The following ZNF45 variants were observed in gnomAD, a reference collection of about 807,000 sequenced individuals.
ZNF45 encodes the protein BRC1744.
A neutral mutation model predicts 12.0 loss-of-function variants in ZNF45; 4 were observed. The ratio of observed to expected loss-of-function variants is 0.33; its 90% confidence interval spans 0.16 to 0.76. The LOEUF is 0.76. Ranked by LOEUF, ZNF45 falls within the 30% of genes least tolerant of loss-of-function variation. The pLI, the probability that ZNF45 is intolerant of heterozygous loss-of-function variation, is 0.60. For synonymous variants in ZNF45, 272 were observed against 279.6 expected, an observed-to-expected ratio of 0.97 and a Z score of 0.27; for missense variants, 700 against 813.0, an observed-to-expected ratio of 0.86 and a Z score of 1.69.
intron 7 of ZNF45, among the ~76,000 whole-genome samples, chr19:43,921,118 T>C (rs1451031655): frequency 6.6e-6 from 1 of 152,294 alleles, no homozygotes; most frequent in East Asian, 1.9e-4. Context: ...TGGAGAATTC[T>C]TTTTCTTTGC....
In ZNF45 at chr19:43,914,049, G is replaced by C; in HGVS notation, c.1387C>G (p.Gln463Glu). ...FSQASNLLAH[Q>E]RGHTGEKPYK... ...GGTTTCTCTCCAGTGTGGCCTCTTT[G>C]ATGGGCCAGAAGATTTGAGGCCTGG... The change falls in exon 10 of 10, where the codon CAA becomes GAA. Residue 463 changes from glutamine to glutamate, a missense_variant. Coordinates refer to ENST00000269973, the MANE Select transcript of ZNF45 (RefSeq NM_003425.4). The C allele has an allele frequency of 6.2e-7, 1 of 1,614,004 alleles. No individual in the cohort carries two copies. The highest frequency in any genetic ancestry group is 1.1e-5 in the South Asian group (1 of 91,082).
Position 43,914,014 on chromosome 19 carries a change from A to G in ZNF45, c.1422T>C (p.Cys474=). Residue 474 remains cysteine, a synonymous_variant, in exon 10 of 10, where the codon TGT becomes TGC. Coordinates refer to ENST00000269973, the MANE Select transcript of ZNF45 (RefSeq NM_003425.4). The part of the protein sequence containing the change: ...RGHTGEKPYK[C]GTCGKGFSRS... ...GACTGAAGCCCTTCCCACATGTACC[A>G]CATTTGTAGGGTTTCTCTCCAGTGT... is the stretch of plus-strand genomic sequence containing the variant. 2 of 1,613,622 alleles carry G rather than the reference A, an allele frequency of 1.2e-6. No homozygotes were observed. The highest frequency in any genetic ancestry group is 2.2e-5 in the South Asian group (2 of 91,056).
intron 6 of ZNF45, 57 bp from the exon 7 acceptor site, chr19:43,922,274 C>CA (rs1017042108): frequency 0.047 from 42,414 of 909,266 alleles, no homozygotes; most frequent in South Asian, 0.069. Context: ...AGAGTTTGGC[C>CA]AAAAAAAAAA....
intron 3 of ZNF45, among the ~76,000 whole-genome samples, chr19:43,931,636 TAATA>T (rs1974153394): frequency 6.6e-6 from 1 of 152,216 alleles, no homozygotes; most frequent in African/African-American, 2.4e-5. Flanking sequence ...CTTTAGTCTA[TAATA>T]CACAGAGGAC....
rs1461922144 is a variant in ZNF45, at chr19:43,925,373, T to C, written c.-314A>G. On this transcript the variant is annotated 5_prime_UTR_variant, in exon 4 of 10. Coordinates refer to ENST00000269973, the MANE Select transcript of ZNF45 (RefSeq NM_003425.4). ...TGATGATGGGGAAACATGGGCTGGATTCCAGATTCCACTTGACCCTTCAGC... is the reference window on the plus strand; with the variant it reads ...TGATGATGGGGAAACATGGGCTGGACTCCAGATTCCACTTGACCCTTCAGC... 6.6e-6 allele frequency: 1 copy of C among 152,228 alleles called. No individual in the cohort carries two copies. The highest frequency in any genetic ancestry group is 2.4e-5 in the African/African-American group (1 of 41,436). The allele number at this position is 152,228 out of a possible 1,614,324, so 9.4% of individuals were successfully genotyped here.
intron 3 of ZNF45, among the ~76,000 whole-genome samples, chr19:43,927,559 G>A (rs560814769): frequency 1.4e-4 from 22 of 152,230 alleles, no homozygotes; most frequent in African/African-American, 2.2e-4. Context: ...AATATATAGC[G>A]AGAGACACTT....
intron 3 of ZNF45, 109 bp downstream of exon 3, chr19:43,932,495 G>C (rs547122173): frequency 6.6e-6 from 1 of 152,138 alleles, no homozygotes; most frequent in Non-Finnish European, 1.5e-5. Flanking sequence ...CCCACCAAAC[G>C]TGAGATAACA....
intron 7 of ZNF45, among the ~76,000 whole-genome samples, chr19:43,920,030 C>G (rs17799141): frequency 0.032 from 4,889 of 152,174 alleles, 297 homozygotes; most frequent in East Asian, 0.24. Flanking sequence ...TTTTCCCTGT[C>G]TTATCCTTCC....
chr19:43,934,774 C>T (rs1439369878), intron 1 of ZNF45, 80 bp from the exon 2 acceptor site: 2 of 152,158 alleles, frequency 1.3e-5, no homozygotes, highest in East Asian at 1.9e-4. Context: ...TATTAACGGC[C>T]GACATGTTGC....
chr19:43,919,525 G>C, intron 8 of ZNF45, 48 bp downstream of exon 8: 3 of 1,591,026 alleles, frequency 1.9e-6, no homozygotes, highest in Non-Finnish European at 2.6e-6. Flanking sequence ...CAAGGACAGA[G>C]AGACAACAGA....
chr19:43,934,753 G>A (rs904301313), intron 1 of ZNF45, 59 bp from the exon 2 acceptor site: 2 of 152,166 alleles, frequency 1.3e-5, no homozygotes, highest in Non-Finnish European at 2.9e-5. Flanking sequence ...TTTTTATTAT[G>A]ATAGTTTTAA....
intron 9 of ZNF45, among the ~76,000 whole-genome samples, chr19:43,916,734 AAG>A (rs1280547306): frequency 6.6e-6 from 1 of 152,204 alleles, no homozygotes; most frequent in Non-Finnish European, 1.5e-5. Context: ...ACAAAAGTGA[AAG>A]AACTTTTTCA....
chr19:43,921,983 TATAAAGTCATAAA>T (rs1412817653), intron 7 of ZNF45, among the ~76,000 whole-genome samples, 175 bp downstream of exon 7: 1 of 152,184 alleles, frequency 6.6e-6, no homozygotes, highest in African/African-American at 2.4e-5. Context: ...TTTATCAAAT[TATAAAGTCATAAA>T]ATAAAGCAAC....
In ZNF45 at chr19:43,915,174, T is replaced by G; in HGVS notation, c.262A>C (p.Thr88Pro). The change falls in exon 10 of 10, where the codon ACT becomes CCT. Residue 88 changes from threonine to proline, a missense_variant. By Grantham distance (38) the Thr-to-Pro change is conservative (BLOSUM62 -1). Transcript: ENST00000269973. ...TACCTTAATCCTACTTCTTGAAGAG[T>G]CTCCATCTCTTTTAGATTCTTGGCT... ...SGAKNLKEME[T>P]LQEVGLRYLP... The G allele has an allele frequency of 6.6e-7, 1 of 1,508,956 alleles. No homozygotes were observed. The highest frequency in any genetic ancestry group is 1.4e-5 in the African/African-American group (1 of 71,700). The allele number at this position is 1,508,956 out of a possible 1,614,324, so 93.5% of individuals were successfully genotyped here. A position where few individuals can be genotyped will look rare whatever the true frequency, so the allele number is the denominator to read the frequency against.
intron 9 of ZNF45, among the ~76,000 whole-genome samples, chr19:43,915,964 T>G (rs1972631124): frequency 6.6e-6 from 1 of 152,110 alleles, no homozygotes; most frequent in Non-Finnish European, 1.5e-5. Context: ...TAACACACAT[T>G]ATTCTAAAAC....
chr19:43,928,132 G>T (rs889389270), intron 3 of ZNF45, among the ~76,000 whole-genome samples: 1 of 139,294 alleles, frequency 7.2e-6, no homozygotes, highest in Non-Finnish European at 1.5e-5. Context: ...GGTGAGCCAA[G>T]ATCGCACCAT....
chr19:43,914,065 T>G lies in ZNF45; in HGVS notation c.1371A>C (p.Ser457=). 1 of 1,614,038 alleles carries G rather than the reference T, an allele frequency of 6.2e-7. No homozygotes were observed. The highest frequency in any genetic ancestry group is 1.1e-5 in the South Asian group (1 of 91,072). The change falls in exon 10 of 10, where the codon TCA becomes TCC. Residue 457 remains serine (S), a synonymous_variant. Coordinates refer to ENST00000269973, the MANE Select transcript of ZNF45 (RefSeq NM_003425.4). ...GGCCTCTTTGATGGGCCAGAAGATT[T>G]GAGGCCTGGCTGAAGCCCTTGCCAC... ...EECGKGFSQA[S]NLLAHQRGHT... is the part of the protein sequence containing the mutation.
intron 2 of ZNF45, among the ~76,000 whole-genome samples, chr19:43,933,680 T>C (rs1403455761): frequency 6.6e-6 from 1 of 152,202 alleles, no homozygotes; most frequent in African/African-American, 2.4e-5. Flanking sequence ...CAACCCACTA[T>C]GAATAGTGTG....
Position 43,913,856 on chromosome 19 carries a change from G to A in ZNF45, c.1580C>T (p.Pro527Leu), listed in dbSNP as rs1003922227. Residue 527 changes from proline to leucine, a missense_variant, in exon 10 of 10, where the codon CCA (proline) becomes CTA (leucine). Transcript: ENST00000269973. ...CTTCCCACACTCTGCACACTGATATGGTTTCTCTCCAGTGTGAACTCTCTG... is the reference window on the plus strand; with the variant it reads ...CTTCCCACACTCTGCACACTGATATAGTTTCTCTCCAGTGTGAACTCTCTG... ...VHQRVHTGEK[P>L]YQCAECGKGF... 1.2e-6 allele frequency: 2 copies of A among 1,613,706 alleles called. No individual in the cohort carries two copies. Among genetic ancestry groups the A allele is most frequent in the Non-Finnish European group, 8.5e-7 (1 of 1,179,930 alleles).
Sources: gnomAD v4.1 joint callset for allele counts (sites outside exome capture counted in the v4.1 genomes callset) on GRCh38, gnomAD v4.1.1 for gene constraint, MANE v1.5 for transcripts, NCBI Gene and HGNC (gene_info 2026-07-23, HGNC 2026-07-21) for gene names.